The following DNAH1 variants were observed in gnomAD, a reference collection of about 807,000 sequenced individuals.
The protein encoded by DNAH1 is dynein axonemal heavy chain 1.
DNAH1 carries 327 observed loss-of-function variants against 484.3 expected under a neutral mutation model. That is an observed-to-expected ratio of 0.68 (90% confidence interval 0.62 to 0.74). The LOEUF (loss-of-function observed/expected upper bound fraction) is 0.74. DNAH1 is among the 30% of genes least tolerant of loss of function. DNAH1 has a pLI of 0.00. For synonymous variants in DNAH1, 2,192 were observed against 2,191.9 expected (o/e 1.00, Z 0.00); for missense variants, 5,052 against 5,546.8 (o/e 0.91, Z 2.83).
At chr3:52,373,914 G>T in intron 44 of DNAH1, 1 of 1,361,118 alleles carries the variant, frequency 7.3e-7, no homozygotes, top group South Asian at 1.2e-5. Context: ...AGCAGAATTT[G>T]ACTCAGAGGA....
Position 52,381,451 on chromosome 3 carries a change from A to C in DNAH1, c.7609-189A>C, listed in dbSNP as rs1703839532. Among the ~76,000 whole-genome samples, 1 of 151,930 alleles carries C rather than the reference A, an allele frequency of 6.6e-6. No individual in the cohort carries two copies. The highest frequency in any genetic ancestry group is 6.6e-5 in the Admixed American group (1 of 15,252). On this transcript the variant is annotated intron_variant, in intron 48 of 77. Transcript: ENST00000420323. The surrounding 1 kb of genome is among the most constrained non-coding windows in gnomAD (Gnocchi z 4.1). Reference sequence around the variant, plus strand: ...TTTGAGCAACAATCTAAGCAAGTTTATCAGTGTCTGGGAATGTTCAGCTTG... The same window carrying C: ...TTTGAGCAACAATCTAAGCAAGTTTCTCAGTGTCTGGGAATGTTCAGCTTG...
intron 56 of DNAH1, among the ~76,000 whole-genome samples, chr3:52,387,422 T>C (rs1271889319): frequency 6.6e-6 from 1 of 152,160 alleles, no homozygotes; most frequent in African/African-American, 2.4e-5. Flanking sequence ...GGGTTTCCTC[T>C]GCATCCCAGA....
At position 52,391,613 on chromosome 3, in the gene DNAH1, C is replaced by G. The variant is rs368865494; in HGVS notation, c.10052+10C>G. On this transcript the variant is annotated intron_variant, in intron 63 of 77. Coordinates refer to ENST00000420323, the MANE Select transcript of DNAH1 (RefSeq NM_015512.5). ...TCACCCTGTCGCCCAGGTGAGCCCCCACTCTTGGGGACGCCCAAGCATCAG... is the reference window on the plus strand; with the variant it reads ...TCACCCTGTCGCCCAGGTGAGCCCCGACTCTTGGGGACGCCCAAGCATCAG... The G allele has an allele frequency of 8.6e-5, 138 of 1,613,524 alleles. No homozygotes were observed. Among genetic ancestry groups the G allele is most frequent in the South Asian group, 1.1e-4 (10 of 91,082 alleles).
rs760264200 is a variant in DNAH1 at position 52,380,091 on chromosome 3, G to A, written c.7564G>A (p.Gly2522Ser). ...PILYGDFMSP[G>S]SDVKSYELIT... ...TCTTTACGGGGACTTCATGTCACCA[G>A]GCTCCGATGTCAAGTCCTACGAGCT... The change falls in exon 48 of 78, where the codon GGC becomes AGC. Residue 2522 changes from glycine to serine, a missense_variant. By Grantham distance (56) the Gly-to-Ser change is moderately conservative (BLOSUM62 0). This residue lies in a region of DNAH1 where 2,929 missense variants were observed against 3,409.4 expected (regional missense o/e 0.86). Transcript: ENST00000420323. 3.1e-6 allele frequency: 5 copies of A among 1,605,136 alleles called. No homozygotes were observed. Among genetic ancestry groups the A allele is most frequent in the Admixed American group, 3.4e-5 (2 of 58,884 alleles).
chr3:52,332,262 C>T lies in DNAH1; in HGVS notation c.1154C>T (p.Thr385Met), dbSNP rs369555260. The change falls in exon 8 of 78, where the codon ACG becomes ATG. Residue 385 changes from threonine (T) to methionine (M), a missense_variant. Around this residue, in one of 4 missense-constraint regions of DNAH1, gnomAD observed 1,263 missense variants for 1,218.8 expected, o/e 1.04. Transcript: ENST00000420323. ...CAGGCCAACGCCCTGCGCAAGAACA[C>T]GGAAGCACTGCTGCTCTACAACTTG... ...VVQANALRKN[T>M]EALLLYNLYV... is the part of the protein sequence containing the mutation. 58 of 1,613,910 alleles carry T rather than the reference C, an allele frequency of 3.6e-5. No individual in the cohort carries two copies. Among genetic ancestry groups the T allele is most frequent in the Non-Finnish European group, 4.5e-5 (53 of 1,179,894 alleles).
rs1701580656 is a variant in DNAH1, at chr3:52,332,204, G to A, written c.1096G>A (p.Glu366Lys). 1.2e-6 allele frequency: 2 copies of A among 1,609,258 alleles called. No homozygotes were observed. The highest frequency in any genetic ancestry group is 1.7e-6 in the Non-Finnish European group (2 of 1,177,542). The change falls in exon 8 of 78, where the codon GAG becomes AAG. Residue 366 changes from glutamate (E) to lysine (K), a missense_variant. Glu to Lys is a moderately conservative substitution (Grantham distance 56). Around this residue, in one of 4 missense-constraint regions of DNAH1, gnomAD observed 1,263 missense variants for 1,218.8 expected, o/e 1.04. Coordinates refer to ENST00000420323, the MANE Select transcript of DNAH1 (RefSeq NM_015512.5). ...ACGGATCCAGCTTCTCTTCTGCGCT[G>A]AGGACCCTTGCATGTTCGCACAACG... ...VPRIQLLFCA[E>K]DPCMFAQRVV...
Position 52,392,948 on chromosome 3 carries a change from T to C in DNAH1, c.10397T>C (p.Val3466Ala). 1.2e-6 allele frequency: 2 copies of C among 1,613,592 alleles called. No homozygotes were observed. The highest frequency in any genetic ancestry group is 1.1e-5 in the South Asian group (1 of 91,062). ...LFFCVSDLAN[V>A]DPMYQYSLEW... is the part of the protein sequence containing the mutation. ...TTCTGTGTGTCCGACCTGGCCAACG[T>C]GGACCCCATGTACCAGTACTCCCTT... Residue 3466 changes from valine to alanine, a missense_variant, in exon 65 of 78, where the codon GTG (valine) becomes GCG (alanine). Physicochemically the swap from Val to Ala is moderately conservative, Grantham distance 64. Around this residue, in one of 4 missense-constraint regions of DNAH1, gnomAD observed 2,929 missense variants for 3,409.4 expected, o/e 0.86. Transcript: ENST00000420323.
upstream of DNAH1, among the ~76,000 whole-genome samples, chr3:52,314,714 C>G (rs1700893484): frequency 1.3e-5 from 2 of 152,132 alleles, no homozygotes; most frequent in African/African-American, 4.8e-5. Context: ...CCATGGTCCT[C>G]TGGGGCCCTG....
In DNAH1 at chr3:52,322,915, A is replaced by G. The variant is rs531459561; in HGVS notation, c.333+140A>G. ...GATCTATCCATCTGTCTTTCTATCC[A>G]TCTACCCCCTATTATCCCCTCATCC... On this transcript the variant is annotated intron_variant, in intron 2 of 77. Coordinates refer to ENST00000420323, the MANE Select transcript of DNAH1 (RefSeq NM_015512.5). The G allele has an allele frequency of 6.3e-6, 5 of 791,764 alleles. No individual in the cohort carries two copies. The East Asian group carries it at 8.0e-5, about 13-fold the overall frequency. The allele number at this position is 791,764 out of a possible 1,614,324, so 49.0% of individuals were successfully genotyped here.
At position 52,379,280 on chromosome 3, in the gene DNAH1, G is replaced by A. The variant is rs1041569770; in HGVS notation, c.7377+500G>A. ...CCTGCACTTTGGAATGGGACTGAGC[G>A]GCCAGTGTGTGTGTAGCCCAGGCTA... On this transcript the variant is annotated intron_variant, in intron 47 of 77. Transcript: ENST00000420323. The surrounding 1 kb of genome is among the most constrained non-coding windows in gnomAD (Gnocchi z 4.4). Among the ~76,000 whole-genome samples, 1 of 152,188 alleles carries A rather than the reference G, an allele frequency of 6.6e-6. No homozygotes were observed. The highest frequency in any genetic ancestry group is 1.5e-5 in the Non-Finnish European group (1 of 68,038).
intron 55 of DNAH1, 32 bp downstream of exon 55, chr3:52,386,377 C>G: frequency 6.5e-7 from 1 of 1,529,380 alleles, no homozygotes. Flanking sequence ...GGCATTCCCT[C>G]TCATATGCCT....
At chr3:52,369,120 A>G (rs1703209358) in intron 37 of DNAH1, among the ~76,000 whole-genome samples, 1 of 151,702 alleles carries the variant, frequency 6.6e-6, no homozygotes, top group Admixed American at 6.6e-5. Flanking sequence ...GAGCTCCCAC[A>G]CCTCAGGGTG....
Position 52,331,276 on chromosome 3 carries a change from A to C in DNAH1, c.1000A>C (p.Arg334=). The C allele has an allele frequency of 6.2e-7, 1 of 1,610,408 alleles. No individual in the cohort carries two copies. Among genetic ancestry groups the C allele is most frequent in the Non-Finnish European group, 8.5e-7 (1 of 1,178,466 alleles). Residue 334 remains arginine (R), a synonymous_variant, in exon 7 of 78, where the codon AGG becomes CGG. Coordinates refer to ENST00000420323, the MANE Select transcript of DNAH1 (RefSeq NM_015512.5). ...EKGLVRDEMG[R]PILNAGVTTE... ...AGGCCTGGTGCGAGATGAGATGGGG[A>C]GGCCCATCCTGAATGCAGGGGTCAC...
intron 77 of DNAH1, 124 bp downstream of exon 77, chr3:52,399,903 C>G: frequency 9.6e-7 from 1 of 1,042,212 alleles, no homozygotes; most frequent in African/African-American, 1.6e-5. Flanking sequence ...TTGGGCCAGG[C>G]CAGCAAGCAG....
chr3:52,339,313 C>G (rs1257888028), intron 8 of DNAH1, among the ~76,000 whole-genome samples: 1 of 151,364 alleles, frequency 6.6e-6, no homozygotes, highest in Non-Finnish European at 1.5e-5. Context: ...CTTCAATTTA[C>G]TTCATTATGC....
At position 52,353,029 on chromosome 3, in the gene DNAH1, C is replaced by A; in HGVS notation, c.3028-74C>A. The stretch of plus-strand genomic sequence containing the variant: ...CAAGGGAGAGGGAGAGGACCTGGCC[C>A]AAGAAGGGGCAACATGGAGAGAGAC... On this transcript the variant is annotated intron_variant, in intron 18 of 77. Transcript: ENST00000420323. This position sits in a 1 kb window ranked among gnomAD's most constrained non-coding sequence, Gnocchi z 5.0. 1.4e-6 allele frequency: 2 copies of A among 1,460,254 alleles called. No homozygotes were observed. Among genetic ancestry groups the A allele is most frequent in the Non-Finnish European group, 1.9e-6 (2 of 1,079,138 alleles). 90.5% of individuals were successfully genotyped at this position (1,460,254 alleles called of 1,614,324 possible).
chr3:52,370,336 A>G (rs1703280444), intron 39 of DNAH1, 107 bp downstream of exon 39: 1 of 1,541,548 alleles, frequency 6.5e-7, no homozygotes, highest in South Asian at 1.2e-5. Context: ...AACATGGTGC[A>G]ACATGGACAA....
At chr3:52,392,723 G>A in intron 64 of DNAH1, 34 bp downstream of exon 64, 1 of 1,575,068 alleles carries the variant, frequency 6.3e-7, no homozygotes. Flanking sequence ...CCTGCCCCGG[G>A]AGTGCCCCGG....
Position 52,393,011 on chromosome 3 carries a change from A to G in DNAH1, c.10460A>G (p.Asn3487Ser). The change falls in exon 65 of 78, where the codon AAC (asparagine) becomes AGC (serine). Residue 3487 changes from asparagine (N) to serine (S), a missense_variant. This residue lies in a region of DNAH1 where 2,929 missense variants were observed against 3,409.4 expected (regional missense o/e 0.86). Transcript: ENST00000420323. ...AACATCTTCCTCTCGGGCATCGCCA[A>G]CTCAGAGAGAGCAGGTAGCACCGGC... ...FLNIFLSGIA[N>S]SERADNLKKR... 1 of 1,613,046 alleles carries G rather than the reference A, an allele frequency of 6.2e-7. No individual in the cohort carries two copies. Among genetic ancestry groups the G allele is most frequent in the South Asian group, 1.1e-5 (1 of 91,024 alleles).
Sources: allele counts gnomAD v4.1 joint callset (sites outside exome capture counted in the v4.1 genomes callset), GRCh38; gene constraint gnomAD v4.1.1; regional missense constraint gnomAD v4.1.1; non-coding constraint Gnocchi (gnomAD v3.1); transcripts MANE v1.5; gene names NCBI Gene and HGNC (gene_info 2026-07-23, HGNC 2026-07-21).